Variants in CD99L2 observed in about 807,000 individuals in gnomAD.
CD99L2 encodes the protein CD99 antigen-like protein 2.
A neutral mutation model predicts 27.3 loss-of-function variants in CD99L2; 24 were observed. The observed-to-expected ratio is 0.88, with a 90% CI of 0.64 to 1.24. The LOEUF is 1.24. Ranked by LOEUF, CD99L2 falls within the 50% of genes most tolerant of loss-of-function variation. The pLI, the probability that CD99L2 is intolerant of heterozygous loss-of-function variation, is 0.00. For missense variants in CD99L2, 255 were observed against 221.6 expected (o/e 1.15, Z -0.96); for synonymous variants, 97 against 87.9 (o/e 1.10, Z -0.58).
At chrX:150,885,189 AGGGGTCT>A in intron 1 of CD99L2, among the ~76,000 whole-genome samples, 1 of 111,720 alleles carries the variant, frequency 9.0e-6, no homozygotes, top group Non-Finnish European at 1.9e-5. Context: ...AGGGGCACAC[AGGGGTCT>A]GTACAAGTGT....
intron 7 of CD99L2, among the ~76,000 whole-genome samples, chrX:150,782,569 A>G (rs1028638703): frequency 5.3e-5 from 6 of 112,369 alleles, no homozygotes; most frequent in African/African-American, 1.9e-4. Flanking sequence ...CCGTGTTCCC[A>G]GGTACGTGTT....
intron 6 of CD99L2, among the ~76,000 whole-genome samples, chrX:150,794,810 T>C (rs1002957941): frequency 6.2e-5 from 7 of 112,239 alleles, no homozygotes; most frequent in Non-Finnish European, 1.3e-4. Flanking sequence ...AGCCAGCTGC[T>C]TCCATCCAGC....
Position 150,824,592 on chromosome X carries a change from AAGAAGAAGGAGG to A in CD99L2, c.130+6627_130+6638del, listed in dbSNP as rs1569566011. Among the ~76,000 whole-genome samples the A allele has an allele frequency of 8.1e-5, 8 of 99,291 alleles. No individual in the cohort carries two copies. In the South Asian group the frequency reaches 4.3e-3, roughly 54 times the overall value. The allele number at this position is 99,291 out of a possible 115,157, so 86.2% of individuals were successfully genotyped here. The stretch of plus-strand genomic sequence containing the variant: ...GGAGGAGGAGGAGGAGAAGGAGGAG[AAGAAGAAGGAGG>A]AGAAGAAGAAGGAGAAGAAGGAGGA... On this transcript the variant is annotated intron_variant, in intron 2 of 10. Coordinates refer to ENST00000370377, the MANE Select transcript of CD99L2 (RefSeq NM_031462.4).
intron 7 of CD99L2, among the ~76,000 whole-genome samples, chrX:150,789,287 T>C (rs1318778822): frequency 2.7e-5 from 3 of 109,575 alleles, no homozygotes; most frequent in African/African-American, 1.0e-4. Flanking sequence ...CATGCCCAGC[T>C]AATTTTTTGT....
chrX:150,831,150 T>C, intron 2 of CD99L2, 81 bp downstream of exon 2: 1 of 782,979 alleles, frequency 1.3e-6, no homozygotes. Context: ...ATATCATTTT[T>C]CTTGCGCATA....
Position 150,872,852 on chromosome X carries a change from G to A in CD99L2, c.67+25670C>T, listed in dbSNP as rs142013049. On this transcript the variant is annotated intron_variant, in intron 1 of 10. Coordinates refer to ENST00000370377, the MANE Select transcript of CD99L2 (RefSeq NM_031462.4). The stretch of plus-strand genomic sequence containing the variant: ...AAGGTATGGGAAGGAGCAAAGCTCA[G>A]CAAACAGTAGAGGATGGGCCAGTGG... 1.4e-4 allele frequency among the ~76,000 whole-genome samples: 16 copies of A among 112,071 alleles called. No individual in the cohort carries two copies. In the East Asian group the frequency reaches 4.5e-3, roughly 31 times the overall value.
intron 7 of CD99L2, among the ~76,000 whole-genome samples, chrX:150,783,065 C>G (rs1423599031): frequency 9.5e-6 from 1 of 105,316 alleles, no homozygotes; most frequent in African/African-American, 3.5e-5. Flanking sequence ...TGCTACAACA[C>G]AGATGAACTT....
At chrX:150,783,996 A>C (rs1557419492) in intron 7 of CD99L2, among the ~76,000 whole-genome samples, 1 of 111,781 alleles carries the variant, frequency 8.9e-6, no homozygotes, top group Non-Finnish European at 1.9e-5. Flanking sequence ...GAGCAGACTC[A>C]GAAGTTTGGG....
chrX:150,801,716 A>AT (rs1345748945), intron 4 of CD99L2, among the ~76,000 whole-genome samples: 2 of 112,476 alleles, frequency 1.8e-5, no homozygotes, highest in Non-Finnish European at 3.8e-5. Context: ...TATAAAGAGA[A>AT]TTAAACAGCA....
chrX:150,831,155 C>T (rs781796977), intron 2 of CD99L2, 76 bp downstream of exon 2: 23 of 788,942 alleles, frequency 2.9e-5, no homozygotes, highest in Middle Eastern at 3.8e-4. Context: ...ATTTTTCTTG[C>T]GCATATATTC....
intron 7 of CD99L2, among the ~76,000 whole-genome samples, chrX:150,788,960 C>T (rs1392073426): frequency 8.9e-6 from 1 of 111,744 alleles, no homozygotes; most frequent in African/African-American, 3.3e-5. Flanking sequence ...CTAACAGGTG[C>T]ATAGTGGTAT....
chrX:150,777,254 TAGGCAAATTGTGAGGG>T (rs1364907986), intron 8 of CD99L2, 174 bp downstream of exon 8: 23 of 484,090 alleles, frequency 4.8e-5, no homozygotes, highest in Non-Finnish European at 7.9e-5. Context: ...AATTTCTTTG[TAGGCAAATTGTGAGGG>T]AGGCGTGCAG....
At chrX:150,779,702 A>T (rs1041901836) in intron 7 of CD99L2, among the ~76,000 whole-genome samples, 6 of 112,606 alleles carry the variant, frequency 5.3e-5, no homozygotes, top group African/African-American at 1.9e-4. Flanking sequence ...ACCCAATACC[A>T]TCCGTGAAGA....
intron 1 of CD99L2, among the ~76,000 whole-genome samples, chrX:150,851,848 T>C (rs782767246): frequency 6.1e-4 from 68 of 111,909 alleles, no homozygotes; most frequent in East Asian, 2.3e-3. Context: ...TTTGATCACA[T>C]TGGGCCCACT....
intron 9 of CD99L2, among the ~76,000 whole-genome samples, chrX:150,772,939 G>A (rs1260632616): frequency 3.6e-5 from 4 of 112,030 alleles, no homozygotes; most frequent in African/African-American, 6.5e-5. Flanking sequence ...CTGGGCCGAC[G>A]GGGTTCCTGG....
At chrX:150,892,522 C>T (rs1286692554) in intron 1 of CD99L2, among the ~76,000 whole-genome samples, 3 of 95,132 alleles carry the variant, frequency 3.2e-5, no homozygotes, top group Non-Finnish European at 6.1e-5. Context: ...AGGAGAATGG[C>T]GTGAACCCGG....
rs370763385 is a variant in CD99L2, at chrX:150,898,054, A to ACCCCCCCCCCCC, written c.67+456_67+467dup. On this transcript the variant is annotated intron_variant, in intron 1 of 10. Transcript: ENST00000370377. Reference sequence around the variant, plus strand: ...AGCTGGTTAGACCTACGCCTCGCTGACCCCCCCCCCCCCCCCCCACAGCCC... The same window carrying ACCCCCCCCCCCC: ...AGCTGGTTAGACCTACGCCTCGCTGACCCCCCCCCCCCCCCCCCCCCCCCCCCCCCACAGCCC... Among the ~76,000 whole-genome samples, 2 of 29,924 alleles carry ACCCCCCCCCCCC rather than the reference A, an allele frequency of 6.7e-5. 1 individual carries two copies. The highest frequency in any genetic ancestry group is 1.5e-4 in the Non-Finnish European group (2 of 13,192). 26.0% of individuals were successfully genotyped at this position (29,924 alleles called of 115,157 possible). A position where few individuals can be genotyped will look rare whatever the true frequency, so the allele number is the denominator to read the frequency against.
intron 4 of CD99L2, among the ~76,000 whole-genome samples, chrX:150,813,712 A>T (rs2046107931): frequency 8.9e-6 from 1 of 112,581 alleles, no homozygotes; most frequent in Admixed American, 9.4e-5. Context: ...GTTGACATAA[A>T]AAAACTGCTT....
chrX:150,824,606 GA>G (rs1557420849), intron 2 of CD99L2, among the ~76,000 whole-genome samples: 11 of 97,977 alleles, frequency 1.1e-4, no homozygotes, highest in African/African-American at 4.5e-4. Flanking sequence ...AGAAGGAGGA[GA>G]AGAAGAAGGA....
Sources: allele counts gnomAD v4.1 joint callset (sites outside exome capture counted in the v4.1 genomes callset), GRCh38; gene constraint gnomAD v4.1.1; transcripts MANE v1.5; gene names NCBI Gene and HGNC (gene_info 2026-07-23, HGNC 2026-07-21).